Variants in SNTB1 observed in about 807,000 individuals in gnomAD.
The protein encoded by SNTB1 is syntrophin beta 1, also known as beta-1-syntrophin.
Under a neutral mutation model 48.9 loss-of-function variants are expected in SNTB1, and 36 were observed. The ratio of observed to expected loss-of-function variants is 0.74; its 90% CI spans 0.56 to 0.97. The LOEUF is 0.97. Ranked by LOEUF, SNTB1 falls within the 50% of genes least tolerant of loss-of-function variation. The pLI is 0.00. For synonymous variants in SNTB1, 299 were observed against 294.6 expected, an observed-to-expected ratio of 1.01 and a Z score of -0.15; for missense variants, 786 against 703.4, an observed-to-expected ratio of 1.12 and a Z score of -1.33.
chr8:120,630,157 C>G (rs1489919536), intron 3 of SNTB1, among the ~76,000 whole-genome samples: 2 of 152,248 alleles, frequency 1.3e-5, no homozygotes, highest in Non-Finnish European at 2.9e-5. Flanking sequence ...CAGTCTCTAC[C>G]TTTCCCATCC....
At chr8:120,707,238 C>A (rs1214836581) in intron 1 of SNTB1, among the ~76,000 whole-genome samples, 2 of 152,096 alleles carry the variant, frequency 1.3e-5, no homozygotes, top group Non-Finnish European at 2.9e-5. Flanking sequence ...TAACAACTTT[C>A]CCCATCAAAT....
intron 1 of SNTB1, among the ~76,000 whole-genome samples, chr8:120,754,556 T>G (rs1320797272): frequency 1.3e-5 from 2 of 152,194 alleles, no homozygotes. Flanking sequence ...CTCAATTTTC[T>G]TATCCCTAAA....
Position 120,632,518 on chromosome 8 carries a change from C to A in SNTB1, c.922G>T (p.Val308Phe), listed in dbSNP as rs752317038. 6 of 1,614,064 alleles carry A rather than the reference C, an allele frequency of 3.7e-6. No homozygotes were observed. In the South Asian group the frequency reaches 6.6e-5, roughly 18 times the overall value. The change falls in exon 3 of 7, where the codon GTC becomes TTC. Residue 308 changes from valine (V) to phenylalanine (F), a missense_variant. Transcript: ENST00000517992. The stretch of plus-strand genomic sequence containing the variant: ...CCTGTTTTCCCCAGCTGCTCTCTGA[C>A]CTCAGCAATCACTCGGGTCAGCAGG... ...NDLLTRVIAE[V>F]REQLGKTGIA...
Position 120,594,405 on chromosome 8 carries a change from T to G in SNTB1, c.997-19180A>C, listed in dbSNP as rs1816291523. ...GGCATGCGCCACCAAGCCCAGCTAA[T>G]TTTTGTATTTTTAGTAGAGGTGGAG... is the stretch of plus-strand genomic sequence containing the variant. On this transcript the variant is annotated intron_variant, in intron 3 of 6. Coordinates refer to ENST00000517992, the MANE Select transcript of SNTB1 (RefSeq NM_021021.4). 2.0e-5 allele frequency among the ~76,000 whole-genome samples: 3 copies of G among 152,108 alleles called. 1 individual carries two copies. Among genetic ancestry groups the G allele is most frequent in the African/African-American group, 7.2e-5 (3 of 41,410 alleles).
intron 1 of SNTB1, among the ~76,000 whole-genome samples, chr8:120,763,594 T>C (rs779079229): frequency 6.6e-6 from 1 of 152,014 alleles, no homozygotes; most frequent in Admixed American, 6.6e-5. Flanking sequence ...AGTTAAAAAA[T>C]TTTTTCTGCA....
intron 1 of SNTB1, among the ~76,000 whole-genome samples, chr8:120,793,981 T>C (rs1010741672): frequency 6.6e-6 from 1 of 152,038 alleles, no homozygotes; most frequent in African/African-American, 2.4e-5. Flanking sequence ...TGTGAATAAA[T>C]GTTTTTATAC....
intron 1 of SNTB1, among the ~76,000 whole-genome samples, chr8:120,701,507 A>G (rs1818308824): frequency 6.6e-6 from 1 of 152,208 alleles, no homozygotes; most frequent in African/African-American, 2.4e-5. Context: ...TTATGTCATC[A>G]CCAAGAAATA....
At chr8:120,779,327 A>G (rs1819791351) in intron 1 of SNTB1, among the ~76,000 whole-genome samples, 1 of 152,018 alleles carries the variant, frequency 6.6e-6, no homozygotes, top group Non-Finnish European at 1.5e-5. Flanking sequence ...ACATGGTGAA[A>G]CCCCATTTCT....
intron 1 of SNTB1, among the ~76,000 whole-genome samples, chr8:120,705,159 G>A (rs187009099): frequency 6.6e-6 from 1 of 152,330 alleles, no homozygotes; most frequent in East Asian, 1.9e-4. Context: ...ACAGACATTA[G>A]CACAAAAGAG....
chr8:120,565,075 G>C (rs1815728317), intron 4 of SNTB1, among the ~76,000 whole-genome samples: 1 of 151,948 alleles, frequency 6.6e-6, no homozygotes, highest in Non-Finnish European at 1.5e-5. Context: ...ACATTTTGTT[G>C]GCTTATTTCT....
chr8:120,692,424 T>G (rs1251122532), intron 2 of SNTB1, among the ~76,000 whole-genome samples: 1 of 152,190 alleles, frequency 6.6e-6, no homozygotes, highest in Non-Finnish European at 1.5e-5. Context: ...TTAATGTGGA[T>G]GCAAAGGTCA....
At chr8:120,617,324 T>C (rs932841459) in intron 3 of SNTB1, among the ~76,000 whole-genome samples, 8 of 152,158 alleles carry the variant, frequency 5.3e-5, no homozygotes, top group African/African-American at 1.9e-4. Flanking sequence ...ATGTGGTTCT[T>C]AGAGTTGGGA....
At chr8:120,643,680 G>A (rs901832223) in intron 2 of SNTB1, among the ~76,000 whole-genome samples, 1 of 152,140 alleles carries the variant, frequency 6.6e-6, no homozygotes, top group Non-Finnish European at 1.5e-5. Context: ...GGGCATTTAG[G>A]TTGTTTCCAC....
chr8:120,574,185 G>A (rs932001019), intron 4 of SNTB1, among the ~76,000 whole-genome samples: 1 of 152,222 alleles, frequency 6.6e-6, no homozygotes, highest in Non-Finnish European at 1.5e-5. Context: ...AAAGCAGAGA[G>A]TAGAATGGTG....
intron 2 of SNTB1, among the ~76,000 whole-genome samples, chr8:120,632,925 A>T (rs947791089): frequency 4.6e-5 from 7 of 152,200 alleles, no homozygotes; most frequent in African/African-American, 1.7e-4. Flanking sequence ...CTTGTTACTC[A>T]GCTGATTTGC....
chr8:120,634,580 G>C (rs775103329), intron 2 of SNTB1, among the ~76,000 whole-genome samples: 2 of 152,128 alleles, frequency 1.3e-5, no homozygotes, highest in Admixed American at 1.3e-4. Context: ...CTTATGGGGG[G>C]CACTCACTGT....
intron 1 of SNTB1, among the ~76,000 whole-genome samples, chr8:120,809,178 G>C (rs2130195987): frequency 6.6e-6 from 1 of 152,316 alleles, no homozygotes; most frequent in East Asian, 1.9e-4. Context: ...CCATTGCATT[G>C]AGAATGAACA....
At chr8:120,630,245 C>T (rs1816957547) in intron 3 of SNTB1, among the ~76,000 whole-genome samples, 1 of 152,176 alleles carries the variant, frequency 6.6e-6, no homozygotes, top group South Asian at 2.1e-4. Context: ...CAGCTTCAGC[C>T]CGTGGAAGAC....
At chr8:120,793,901 A>G (rs1387837323) in intron 1 of SNTB1, among the ~76,000 whole-genome samples, 1 of 152,080 alleles carries the variant, frequency 6.6e-6, no homozygotes, top group Non-Finnish European at 1.5e-5. Context: ...GAACTTTTAT[A>G]GTGTGACTAG....
Sources: allele counts gnomAD v4.1 joint callset (sites outside exome capture counted in the v4.1 genomes callset), GRCh38; gene constraint gnomAD v4.1.1; transcripts MANE v1.5; gene names NCBI Gene and HGNC (gene_info 2026-07-23, HGNC 2026-07-21).